KDR: variants seen among roughly 807,000 people sequenced by gnomAD.
KDR encodes the protein kinase insert domain receptor.
In KDR, 43 loss-of-function variants were observed where a neutral mutation model predicts 160.9. The observed-to-expected ratio is 0.27, with a 90% confidence interval of 0.21 to 0.34. The LOEUF (loss-of-function observed/expected upper bound fraction) is 0.34. KDR is among the 10% of genes least tolerant of loss of function. KDR has a pLI of 1.00. For missense variants in KDR, 1,469 were observed against 1,666.4 expected (o/e 0.88, Z 2.06); for synonymous variants, 617 against 600.1 (o/e 1.03, Z -0.41).
Position 55,082,621 on chromosome 4 carries a change from T to C in KDR, c.3677A>G (p.Asn1226Ser). ...NTAGISQYLQ[N>S]SKRKSRPVSV... ...CACAGGCCGGCTCTTTCGCTTACTG[T>C]TCTGCAGATACTGACTGCAAAAGAA... The change falls in exon 28 of 30, where the codon AAC becomes AGC. Residue 1226 changes from asparagine to serine, a missense_variant. Transcript: ENST00000263923. 6.2e-7 allele frequency: 1 copy of C among 1,613,696 alleles called. No homozygotes were observed. The highest frequency in any genetic ancestry group is 2.2e-5 in the East Asian group (1 of 44,874).
rs750374928 is a variant in KDR at position 55,104,625 on chromosome 4, C to A, written c.1987+18G>T. 6.2e-7 allele frequency: 1 copy of A among 1,602,894 alleles called. No homozygotes were observed. Among genetic ancestry groups the A allele is most frequent in the South Asian group, 1.1e-5 (1 of 90,536 alleles). ...ATTCCAACTGCCTCTGCACAATGAT[C>A]CAGAATTGTCTCCCTACCTAGGACT... On this transcript the variant is annotated intron_variant, in intron 13 of 29. Coordinates refer to ENST00000263923, the MANE Select transcript of KDR (RefSeq NM_002253.4).
intron 9 of KDR, among the ~76,000 whole-genome samples, chr4:55,109,116 T>C (rs1039914418): frequency 1.7e-4 from 26 of 151,850 alleles, no homozygotes; most frequent in African/African-American, 6.3e-4. Flanking sequence ...GGAGTTTTGC[T>C]CTTGTCACCA....
chr4:55,114,159 C>T lies in KDR; in HGVS notation c.765G>A (p.Gly255=). 4 of 1,613,932 alleles carry T rather than the reference C, an allele frequency of 2.5e-6. No homozygotes were observed. The South Asian group carries it at 4.4e-5, about 18-fold the overall frequency. ...AAGGGTATTCCCAGTTGAAGTCAAT[C>T]CCCACATTTAGTTCAGTTCTTGCTG... ...NCTARTELNV[G]IDFNWEYPSS... is the part of the protein sequence containing the mutation. Residue 255 remains glycine (G), a synonymous_variant, in exon 6 of 30, where the codon GGG becomes GGA. Transcript: ENST00000263923.
rs1319864675 is a variant in KDR, at chr4:55,082,582, A to G, written c.3716T>C (p.Phe1239Ser). Residue 1239 changes from phenylalanine to serine, a missense_variant, in exon 28 of 30, where the codon TTT (phenylalanine) becomes TCT (serine). Physicochemically the swap from Phe to Ser is radical, Grantham distance 155. Transcript: ENST00000263923. ...TGGTTCTTCTAACGGGATATCTTCA[A>G]ATGTTTTTACACTCACAGGCCGGCT... is the stretch of plus-strand genomic sequence containing the variant. ...RKSRPVSVKT[F>S]EDIPLEEPEV... 6.2e-7 allele frequency: 1 copy of G among 1,613,824 alleles called. No individual in the cohort carries two copies. Among genetic ancestry groups the G allele is most frequent in the East Asian group, 2.2e-5 (1 of 44,886 alleles).
rs749483417 is a variant in KDR, at chr4:55,096,359, A to C, written c.2615-17T>G. On this transcript the variant is annotated splice_polypyrimidine_tract_variant and intron_variant, in intron 18 of 29. Coordinates refer to ENST00000263923, the MANE Select transcript of KDR (RefSeq NM_002253.4). Reference sequence around the variant, plus strand: ...TTGCTCCTTCTACAAATACAGTACAAAGAGGGAAATCATAGGTATGGACAT... The same window carrying C: ...TTGCTCCTTCTACAAATACAGTACACAGAGGGAAATCATAGGTATGGACAT... 3.2e-6 allele frequency: 5 copies of C among 1,562,330 alleles called. No homozygotes were observed. The South Asian group carries it at 5.6e-5, about 17-fold the overall frequency.
chr4:55,081,545 G>T (rs1251185616), intron 29 of KDR, among the ~76,000 whole-genome samples: 1 of 152,004 alleles, frequency 6.6e-6, no homozygotes, highest in Non-Finnish European at 1.5e-5. Flanking sequence ...ATAGATATTG[G>T]CTTATTTATA....
At chr4:55,088,198 G>C (rs755273666) in intron 26 of KDR, among the ~76,000 whole-genome samples, 2 of 152,152 alleles carry the variant, frequency 1.3e-5, no homozygotes, top group Non-Finnish European at 2.9e-5. Context: ...CAACAAATGG[G>C]TAGGAAAATG....
Position 55,092,427 on chromosome 4 carries a change from C to T in KDR, c.3069+190G>A. 14 of 615,242 alleles carry T rather than the reference C, an allele frequency of 2.3e-5. No individual in the cohort carries two copies. The South Asian group carries it at 2.5e-4, about 11-fold the overall frequency. The allele number at this position is 615,242 out of a possible 1,614,324, so 38.1% of individuals were successfully genotyped here. A position where few individuals can be genotyped will look rare whatever the true frequency, so the allele number is the denominator to read the frequency against. On this transcript the variant is annotated intron_variant, in intron 22 of 29. Coordinates refer to ENST00000263923, the MANE Select transcript of KDR (RefSeq NM_002253.4). The stretch of plus-strand genomic sequence containing the variant: ...TGCTTGACAAGCCTTTATTATACAG[C>T]TTAATTTCATGAACTCCTTAACCAC...
rs750976890 is a variant in KDR, at chr4:55,118,622, T to C, written c.340A>G (p.Ile114Val). 34 of 1,613,826 alleles carry C rather than the reference T, an allele frequency of 2.1e-5. No homozygotes were observed. Among genetic ancestry groups the C allele is most frequent in the Non-Finnish European group, 2.6e-5 (31 of 1,179,800 alleles). Residue 114 changes from isoleucine (I) to valine (V), a missense_variant, in exon 3 of 30, where the codon ATT (isoleucine) becomes GTT (valine). This residue lies in a region of KDR where 792 missense variants were observed against 840.9 expected (regional missense o/e 0.94). Coordinates refer to ENST00000263923, the MANE Select transcript of KDR (RefSeq NM_002253.4). ...CACTTACCTTGAACATAGACATAAA[T>C]GACCGAGGCCAAGTCAGTTTCCCGG... ...FYRETDLASV[I>V]YVYVQDYRSP...
chr4:55,110,417 G>T lies in KDR; in HGVS notation c.1241C>A (p.Ser414Tyr). 6.2e-7 allele frequency: 1 copy of T among 1,614,026 alleles called. No homozygotes were observed. Among genetic ancestry groups the T allele is most frequent in the Non-Finnish European group, 8.5e-7 (1 of 1,179,960 alleles). ...AATGGACTCACCATACACAACCAGA[G>T]AGACCACATGGCTCTGCTTCTCCTT... ...ISKEKQSHVV[S>Y]LVVYVPPQIG... The change falls in exon 9 of 30, where the codon TCT becomes TAT. Residue 414 changes from serine (S) to tyrosine (Y), a missense_variant. Around this residue, in one of 7 missense-constraint regions of KDR, gnomAD observed 792 missense variants for 840.9 expected, o/e 0.94. Coordinates refer to ENST00000263923, the MANE Select transcript of KDR (RefSeq NM_002253.4).
intron 1 of KDR, among the ~76,000 whole-genome samples, chr4:55,124,499 G>A (rs1224841344): frequency 6.6e-6 from 1 of 152,078 alleles, no homozygotes; most frequent in South Asian, 2.1e-4. Context: ...CTGACTATGC[G>A]CTTACACCAA....
At chr4:55,102,885 T>G (rs1308843552) in intron 13 of KDR, among the ~76,000 whole-genome samples, 1 of 152,190 alleles carries the variant, frequency 6.6e-6, no homozygotes, top group Non-Finnish European at 1.5e-5. Context: ...AAGTGCCAAA[T>G]TTTAGTATCA....
chr4:55,099,519 G>A (rs1011457706), intron 15 of KDR, among the ~76,000 whole-genome samples: 3 of 152,108 alleles, frequency 2.0e-5, no homozygotes, highest in Admixed American at 6.6e-5. Context: ...TTCTATTTGA[G>A]GAAAACAAAA....
At chr4:55,097,593 C>T (rs957655532) in intron 18 of KDR, 69 bp downstream of exon 18, 1 of 1,027,108 alleles carries the variant, frequency 9.7e-7, no homozygotes, top group African/African-American at 1.6e-5. Context: ...GCTACTGATA[C>T]AAGCCTTGCA....
In KDR at chr4:55,110,441, T is replaced by C. The variant is rs771216407; in HGVS notation, c.1217A>G (p.Lys406Arg). ...AGAGACCACATGGCTCTGCTTCTCC[T>C]TTGAAATGGGATTGGTAAGGATGAC... Reference protein sequence around the residue: ...YTVILTNPISKEKQSHVVSLV... With the variant: ...YTVILTNPISREKQSHVVSLV... The change falls in exon 9 of 30, where the codon AAG becomes AGG. Residue 406 changes from lysine (K) to arginine (R), a missense_variant. Physicochemically the swap from Lys to Arg is conservative, Grantham distance 26. Transcript: ENST00000263923. 4 of 1,614,108 alleles carry C rather than the reference T, an allele frequency of 2.5e-6. No homozygotes were observed. The highest frequency in any genetic ancestry group is 3.4e-6 in the Non-Finnish European group (4 of 1,179,974).
chr4:55,120,347 C>T (rs1021245297), intron 2 of KDR, among the ~76,000 whole-genome samples: 1 of 152,154 alleles, frequency 6.6e-6, no homozygotes, highest in Non-Finnish European at 1.5e-5. Flanking sequence ...AGGCTCCATG[C>T]CTTTCGTGTG....
intron 25 of KDR, 86 bp downstream of exon 25, chr4:55,089,288 G>A (rs1287439349): frequency 5.3e-6 from 5 of 935,894 alleles, no homozygotes; most frequent in South Asian, 1.4e-5. Context: ...GGGCAATGAA[G>A]AAGGTCTATA....
Position 55,125,352 on chromosome 4 carries a change from G to A in KDR, c.-59C>T. The A allele has an allele frequency of 6.4e-7, 1 of 1,554,854 alleles. No individual in the cohort carries two copies. The highest frequency in any genetic ancestry group is 1.2e-5 in the South Asian group (1 of 85,458). On this transcript the variant is annotated 5_prime_UTR_variant, in exon 1 of 30. Transcript: ENST00000263923. ...TCGGGAGCCGGTTCTTTCTCCCAGC[G>A]CCTGTCTAGAGAAGGAGGCGCGGAG...
intron 1 of KDR, among the ~76,000 whole-genome samples, chr4:55,122,283 A>G (rs1720900802): frequency 6.6e-6 from 1 of 152,194 alleles, no homozygotes; most frequent in African/African-American, 2.4e-5. Flanking sequence ...GCATGAGAGA[A>G]AGAAAAATTG....
Sources: allele counts gnomAD v4.1 joint callset (sites outside exome capture counted in the v4.1 genomes callset), GRCh38; gene constraint gnomAD v4.1.1; regional missense constraint gnomAD v4.1.1; transcripts MANE v1.5; gene names NCBI Gene and HGNC (gene_info 2026-07-23, HGNC 2026-07-21).